Variants in LYPLAL1 observed in about 807,000 individuals in gnomAD.
LYPLAL1 encodes the protein lysophospholipase-like protein 1.
A neutral mutation model predicts 19.7 loss-of-function variants in LYPLAL1; 23 were observed. That is an observed-to-expected ratio of 1.17 (90% CI 0.84 to 1.65). LYPLAL1 has a LOEUF of 1.65. Among genes scored for constraint, LYPLAL1 ranks in the 40% most tolerant of loss-of-function variants. The probability of loss-of-function intolerance (pLI) is 0.00; values close to 1 mark genes in which losing one functional copy is unlikely to be tolerated. For synonymous variants in LYPLAL1, 119 were observed against 96.3 expected (o/e 1.24, Z -1.38); for missense variants, 355 against 279.4 (o/e 1.27, Z -1.93).
chr1:219,300,777 C>T, the LYPLAL1 span, among the ~76,000 whole-genome samples: 384 of 152,006 alleles, frequency 2.5e-3, 4 homozygotes, highest in African/African-American at 8.7e-3. Context: ...CCTCGGGATC[C>T]GCCTGTCTCG....
At chr1:219,310,431 A>C in the LYPLAL1 span, among the ~76,000 whole-genome samples, 1 of 152,170 alleles carries the variant, frequency 6.6e-6, no homozygotes, top group Non-Finnish European at 1.5e-5. Context: ...AGCTGATTTG[A>C]GTTGGAAGAC....
the LYPLAL1 span, among the ~76,000 whole-genome samples, chr1:219,255,615 G>A: frequency 1.3e-5 from 2 of 151,656 alleles, no homozygotes; most frequent in Non-Finnish European, 2.9e-5. Context: ...TGTTCTAAAT[G>A]GGCCCCTCGT....
the LYPLAL1 span, among the ~76,000 whole-genome samples, chr1:219,441,638 C>T: frequency 6.6e-6 from 1 of 152,156 alleles, no homozygotes; most frequent in East Asian, 1.9e-4. Context: ...AGCAATAATG[C>T]AAAATTAAGT....
At chr1:219,290,066 G>T in the LYPLAL1 span, among the ~76,000 whole-genome samples, 1 of 152,200 alleles carries the variant, frequency 6.6e-6, no homozygotes, top group South Asian at 2.1e-4. Context: ...CTAATGCCAG[G>T]AGACTGAGAA....
intron 3 of LYPLAL1, among the ~76,000 whole-genome samples, chr1:219,196,224 C>T (rs1031604807): frequency 2.0e-4 from 30 of 152,116 alleles, no homozygotes; most frequent in African/African-American, 6.5e-4. Context: ...ATGGTATTTC[C>T]GGTTCTAGGT....
intron 3 of LYPLAL1, among the ~76,000 whole-genome samples, chr1:219,207,770 G>A (rs1386239948): frequency 6.6e-6 from 1 of 152,004 alleles, no homozygotes; most frequent in Non-Finnish European, 1.5e-5. Flanking sequence ...TGAATTTTAT[G>A]TTTAATAAAG....
the LYPLAL1 span, among the ~76,000 whole-genome samples, chr1:219,373,656 CACTT>C: frequency 6.6e-6 from 1 of 152,054 alleles, no homozygotes; most frequent in Non-Finnish European, 1.5e-5. Context: ...TTTAACATAA[CACTT>C]ACATTCATGC....
At chr1:219,272,342 G>C in the LYPLAL1 span, 1 of 152,464 alleles carries the variant, frequency 6.6e-6, no homozygotes, top group South Asian at 2.1e-4. Context: ...CACAGACACA[G>C]AGATGACCCC....
chr1:219,248,536 C>T, the LYPLAL1 span, among the ~76,000 whole-genome samples: 2 of 151,962 alleles, frequency 1.3e-5, no homozygotes, highest in African/African-American at 2.4e-5. Flanking sequence ...AATTATAAAG[C>T]ATGCCAGGAA....
the LYPLAL1 span, among the ~76,000 whole-genome samples, chr1:219,267,966 C>T: frequency 9.2e-5 from 14 of 152,152 alleles, no homozygotes; most frequent in Admixed American, 9.2e-4. Context: ...TTAGGAACAA[C>T]TAAAACACAC....
At chr1:219,348,982 G>A in the LYPLAL1 span, among the ~76,000 whole-genome samples, 2 of 152,170 alleles carry the variant, frequency 1.3e-5, no homozygotes, top group Non-Finnish European at 2.9e-5. Context: ...GACTGCTACT[G>A]TAGTTCATAT....
the LYPLAL1 span, among the ~76,000 whole-genome samples, chr1:219,288,088 A>G: frequency 6.6e-6 from 1 of 152,200 alleles, no homozygotes; most frequent in African/African-American, 2.4e-5. Context: ...GGGCTAATAC[A>G]CTATAAAATC....
chr1:219,400,399 T>A, the LYPLAL1 span, among the ~76,000 whole-genome samples: 1 of 152,088 alleles, frequency 6.6e-6, no homozygotes, highest in African/African-American at 2.4e-5. Flanking sequence ...GCAAATATCA[T>A]CAATAAGAAA....
chr1:219,287,319 C>T, the LYPLAL1 span, among the ~76,000 whole-genome samples: 1 of 152,162 alleles, frequency 6.6e-6, no homozygotes, highest in East Asian at 1.9e-4. Context: ...AGAATGATTT[C>T]CATTGCTACC....
At chr1:219,355,319 G>A in the LYPLAL1 span, among the ~76,000 whole-genome samples, 187 of 151,968 alleles carry the variant, frequency 1.2e-3, no homozygotes, top group African/African-American at 4.1e-3. Flanking sequence ...ATATATTCAC[G>A]GATAAGCAAA....
At chr1:219,180,393 A>G (rs1022094503) in intron 2 of LYPLAL1, among the ~76,000 whole-genome samples, 3 of 152,200 alleles carry the variant, frequency 2.0e-5, no homozygotes, top group Non-Finnish European at 4.4e-5. Flanking sequence ...GGACGTTTTT[A>G]TATGTACTAA....
At chr1:219,406,548 T>G in the LYPLAL1 span, among the ~76,000 whole-genome samples, 1 of 152,310 alleles carries the variant, frequency 6.6e-6, no homozygotes, top group Non-Finnish European at 1.5e-5. Context: ...TACTTAGAGA[T>G]TGTACTCTTC....
chr1:219,253,047 C>T, the LYPLAL1 span, among the ~76,000 whole-genome samples: 11 of 151,974 alleles, frequency 7.2e-5, no homozygotes, highest in African/African-American at 2.2e-4. Flanking sequence ...TTATCCACCT[C>T]GTCTAGGTTT....
At chr1:219,432,467 G>A in the LYPLAL1 span, among the ~76,000 whole-genome samples, 3 of 151,670 alleles carry the variant, frequency 2.0e-5, no homozygotes, top group African/African-American at 7.3e-5. Context: ...TCTGGGGTGG[G>A]TGGGTAACAG....
Sources: gnomAD v4.1 joint callset for allele counts (sites outside exome capture counted in the v4.1 genomes callset) on GRCh38, gnomAD v4.1.1 for gene constraint, MANE v1.5 for transcripts, NCBI Gene and HGNC (gene_info 2026-07-23, HGNC 2026-07-21) for gene names.